Variants in ST6GALNAC3 observed in about 807,000 individuals in gnomAD.
ST6GALNAC3 encodes the protein alpha-N-acetylgalactosaminide alpha-2,6-sialyltransferase 3.
A neutral mutation model predicts 32.7 loss-of-function variants in ST6GALNAC3; 25 were observed. The observed-to-expected ratio is 0.76, with a 90% CI of 0.56 to 1.07. The LOEUF (loss-of-function observed/expected upper bound fraction) is 1.07. Ranked by LOEUF, ST6GALNAC3 falls within the 50% of genes least tolerant of loss-of-function variation. The pLI, the probability that ST6GALNAC3 is intolerant of heterozygous loss-of-function variation, is 0.00. For missense variants in ST6GALNAC3, 355 were observed against 382.4 expected (o/e 0.93, Z 0.60); for synonymous variants, 129 against 133.1 (o/e 0.97, Z 0.21).
chr1:76,546,049 T>C (rs1384914976), intron 3 of ST6GALNAC3, among the ~76,000 whole-genome samples: 2 of 152,220 alleles, frequency 1.3e-5, no homozygotes, highest in African/African-American at 4.8e-5. Flanking sequence ...GTGTTGTAAT[T>C]ATATGAAAAG....
intron 3 of ST6GALNAC3, among the ~76,000 whole-genome samples, chr1:76,490,670 G>T (rs182075239): frequency 4.2e-4 from 63 of 151,614 alleles, no homozygotes; most frequent in Non-Finnish European, 4.6e-4. Context: ...AATATCTCTT[G>T]GAGAATAGAA....
chr1:76,229,887 G>A (rs1656274488), intron 1 of ST6GALNAC3, among the ~76,000 whole-genome samples: 1 of 152,214 alleles, frequency 6.6e-6, no homozygotes, highest in Admixed American at 6.5e-5. Flanking sequence ...CCAGTAGGGA[G>A]GAGCAGAGGG....
intron 1 of ST6GALNAC3, among the ~76,000 whole-genome samples, chr1:76,206,433 C>A (rs777557406): frequency 2.0e-5 from 3 of 152,180 alleles, no homozygotes; most frequent in Non-Finnish European, 4.4e-5. Flanking sequence ...GAACTAAATA[C>A]ATCCACATCT....
intron 1 of ST6GALNAC3, among the ~76,000 whole-genome samples, chr1:76,157,982 G>A (rs927562266): frequency 6.6e-6 from 1 of 152,200 alleles, no homozygotes; most frequent in African/African-American, 2.4e-5. Flanking sequence ...GGTGATGCTA[G>A]CGTCAACCCA....
intron 1 of ST6GALNAC3, among the ~76,000 whole-genome samples, chr1:76,311,057 A>G (rs1646752761): frequency 6.6e-6 from 1 of 152,118 alleles, no homozygotes; most frequent in Non-Finnish European, 1.5e-5. Flanking sequence ...TCAGTAGCCC[A>G]AGTTCTATTT....
intron 1 of ST6GALNAC3, among the ~76,000 whole-genome samples, chr1:76,217,892 C>T (rs1001013173): frequency 6.6e-6 from 1 of 151,772 alleles, no homozygotes; most frequent in Non-Finnish European, 1.5e-5. Flanking sequence ...ATATATATAC[C>T]ACATTTTCTT....
At chr1:76,406,507 T>C (rs1392035150) in intron 2 of ST6GALNAC3, among the ~76,000 whole-genome samples, 1 of 152,008 alleles carries the variant, frequency 6.6e-6, no homozygotes, top group African/African-American at 2.4e-5. Context: ...AGACTGAAAT[T>C]TCAGCCATAT....
At chr1:76,488,855 G>T (rs183361820) in intron 3 of ST6GALNAC3, among the ~76,000 whole-genome samples, 2 of 152,110 alleles carry the variant, frequency 1.3e-5, no homozygotes, top group Non-Finnish European at 2.9e-5. Flanking sequence ...TCTCTTTCAC[G>T]CTGGCCATTG....
At position 76,629,177 on chromosome 1, in the gene ST6GALNAC3, C is replaced by A; in HGVS notation, c.*371C>A. On this transcript the variant is annotated 3_prime_UTR_variant, in exon 5 of 5. Coordinates refer to ENST00000328299, the MANE Select transcript of ST6GALNAC3 (RefSeq NM_152996.4). The stretch of plus-strand genomic sequence containing the variant: ...ACTTCCAGAAGCCAAAAGAGTTTGG[C>A]TTCATGAGGCAAGGTGATTGACTCA... 1 of 1,018,708 alleles carries A rather than the reference C, an allele frequency of 9.8e-7. No individual in the cohort carries two copies. The highest frequency in any genetic ancestry group is 1.2e-6 in the Non-Finnish European group (1 of 852,880). 63.1% of individuals were successfully genotyped at this position (1,018,708 alleles called of 1,614,324 possible). A position where few individuals can be genotyped will look rare whatever the true frequency, so the allele number is the denominator to read the frequency against.
In ST6GALNAC3 at chr1:76,242,281, T is replaced by C. The variant is rs181825681; in HGVS notation, c.19-71524T>C. On this transcript the variant is annotated intron_variant, in intron 1 of 4. Transcript: ENST00000328299. Reference sequence around the variant, plus strand: ...AAAGAGTACACTGAGGAAAATGAGATAAAGGAAAACCCTGGGGGAGAGGAG... The same window carrying C: ...AAAGAGTACACTGAGGAAAATGAGACAAAGGAAAACCCTGGGGGAGAGGAG... Among the ~76,000 whole-genome samples, 80 of 152,152 alleles carry C rather than the reference T, an allele frequency of 5.3e-4. 1 individual carries two copies. The highest frequency in any genetic ancestry group is 3.5e-3 in the East Asian group (18 of 5,168).
intron 3 of ST6GALNAC3, among the ~76,000 whole-genome samples, chr1:76,609,357 T>C (rs1287703990): frequency 6.6e-6 from 1 of 152,200 alleles, no homozygotes; most frequent in African/African-American, 2.4e-5. Flanking sequence ...TTTTTACAAT[T>C]ACTTGTGATG....
At chr1:76,280,742 C>T (rs1271846169) in intron 1 of ST6GALNAC3, among the ~76,000 whole-genome samples, 1 of 152,202 alleles carries the variant, frequency 6.6e-6, no homozygotes, top group African/African-American at 2.4e-5. Context: ...TCAGATTCGT[C>T]ATTTACTAGC....
intron 1 of ST6GALNAC3, among the ~76,000 whole-genome samples, chr1:76,128,042 A>T (rs1045490444): frequency 6.6e-6 from 1 of 152,110 alleles, no homozygotes; most frequent in African/African-American, 2.4e-5. Flanking sequence ...CAGGCTGCCA[A>T]TCCCAGGTGG....
At chr1:76,313,633 A>G (rs750448845) in intron 1 of ST6GALNAC3, 172 bp from the exon 2 acceptor site, 4 of 782,332 alleles carry the variant, frequency 5.1e-6, no homozygotes, top group Non-Finnish European at 8.8e-6. Context: ...CCAGCACACT[A>G]GGACAATTTG....
At chr1:76,496,020 T>G (rs1346568435) in intron 3 of ST6GALNAC3, among the ~76,000 whole-genome samples, 1 of 152,184 alleles carries the variant, frequency 6.6e-6, no homozygotes, top group Admixed American at 6.6e-5. Context: ...TTAGCCACAC[T>G]GATTTTGCTA....
Position 76,362,840 on chromosome 1 carries a change from T to C in ST6GALNAC3, c.213+48841T>C, listed in dbSNP as rs529380779. ...TGCAGGGTTCAGCCCCCATGGCTGC[T>C]CTCTTGGGCCAGTGCTGAGTGCCTG... On this transcript the variant is annotated intron_variant, in intron 2 of 4. Coordinates refer to ENST00000328299, the MANE Select transcript of ST6GALNAC3 (RefSeq NM_152996.4). 1.4e-3 allele frequency among the ~76,000 whole-genome samples: 211 copies of C among 152,312 alleles called. 1 individual carries two copies. Among genetic ancestry groups the C allele is most frequent in the African/African-American group, 4.6e-3 (190 of 41,576 alleles).
At chr1:76,358,337 C>A (rs1227469766) in intron 2 of ST6GALNAC3, among the ~76,000 whole-genome samples, 2 of 152,192 alleles carry the variant, frequency 1.3e-5, no homozygotes, top group Admixed American at 6.5e-5. Context: ...GAGGACCCAA[C>A]ATGTACATAT....
intron 3 of ST6GALNAC3, among the ~76,000 whole-genome samples, chr1:76,557,210 T>G (rs1447707743): frequency 6.6e-6 from 1 of 152,068 alleles, no homozygotes; most frequent in African/African-American, 2.4e-5. Context: ...ATTTTGGGAC[T>G]CTTAAGTTTA....
intron 1 of ST6GALNAC3, among the ~76,000 whole-genome samples, chr1:76,272,659 A>G (rs940257891): frequency 1.3e-5 from 2 of 152,136 alleles, no homozygotes; most frequent in Non-Finnish European, 2.9e-5. Flanking sequence ...TGATGGGTCC[A>G]TTTTATTTTT....
Sources: gnomAD v4.1 joint callset for allele counts (sites outside exome capture counted in the v4.1 genomes callset) on GRCh38, gnomAD v4.1.1 for gene constraint, MANE v1.5 for transcripts, NCBI Gene and HGNC (gene_info 2026-07-23, HGNC 2026-07-21) for gene names.